The following FGF13 variants were observed in gnomAD, a reference collection of about 807,000 sequenced individuals.
FGF13 encodes fibroblast growth factor 13.
A neutral mutation model predicts 19.5 loss-of-function variants in FGF13; 2 were observed. That is an observed-to-expected ratio of 0.10 (90% CI 0.04 to 0.32). The LOEUF (loss-of-function observed/expected upper bound fraction) is 0.32. FGF13 is among the 10% of genes least tolerant of loss of function. The pLI, the probability that FGF13 is intolerant of heterozygous loss-of-function variation, is 1.00. For synonymous variants in FGF13, 72 were observed against 76.9 expected (o/e 0.94, Z 0.33); for missense variants, 113 against 192.7 (o/e 0.59, Z 2.45).
At chrX:138,688,286 T>C (rs2089805207) in intron 3 of FGF13, among the ~76,000 whole-genome samples, 1 of 109,564 alleles carries the variant, frequency 9.1e-6, no homozygotes, top group African/African-American at 3.3e-5. Flanking sequence ...CTTATGGAGG[T>C]AGAGAGTAGA....
At chrX:138,951,860 C>T (rs1174535834) in intron 1 of FGF13, among the ~76,000 whole-genome samples, 1 of 111,213 alleles carries the variant, frequency 9.0e-6, no homozygotes, top group Admixed American at 9.6e-5. Flanking sequence ...TCCATTATCA[C>T]CCAGGAAATC....
rs369723362 is a variant in FGF13 at position 138,626,570 on chromosome X, A to C, written c.*6280T>G. The stretch of plus-strand genomic sequence containing the variant: ...CTTGCATGTCTATCTACCACTTTAC[A>C]CTGAGAGTTTGTAGAAAGATCATGC... On this transcript the variant is annotated 3_prime_UTR_variant, in exon 5 of 5. Transcript: ENST00000315930. The C allele has an allele frequency of 8.9e-6, 1 of 112,096 alleles. No homozygotes were observed. The highest frequency in any genetic ancestry group is 1.9e-5 in the Non-Finnish European group (1 of 53,235). 9.2% of individuals were successfully genotyped at this position (112,096 alleles called of 1,213,427 possible).
intron 1 of FGF13, among the ~76,000 whole-genome samples, chrX:139,119,846 T>G (rs2083664870): frequency 8.9e-6 from 1 of 112,775 alleles, no homozygotes; most frequent in Admixed American, 9.3e-5. Context: ...ATCCCCATTT[T>G]ACAGATGAGG....
chrX:138,831,852 G>A (rs952754252), intron 3 of FGF13, among the ~76,000 whole-genome samples: 13 of 110,740 alleles, frequency 1.2e-4, no homozygotes, highest in Middle Eastern at 4.6e-3. Context: ...TCTGAAATGC[G>A]CCAGTATGTG....
rs1455080495 is a variant in FGF13 at position 138,624,403 on chromosome X, T to G, written c.*8447A>C. The stretch of plus-strand genomic sequence containing the variant: ...ATAATGAAATTGGACCTTTATCCTA[T>G]ACCATACACAAAAATCAACTCAAAA... On this transcript the variant is annotated 3_prime_UTR_variant, in exon 5 of 5. Transcript: ENST00000315930. 1 of 112,052 alleles carries G rather than the reference T, an allele frequency of 8.9e-6. No homozygotes were observed. The highest frequency in any genetic ancestry group is 2.8e-4 in the East Asian group (1 of 3,565). The allele number at this position is 112,052 out of a possible 1,213,427, so 9.2% of individuals were successfully genotyped here.
intron 1 of FGF13, among the ~76,000 whole-genome samples, chrX:138,866,016 G>C (rs2091321080): frequency 8.9e-6 from 1 of 112,480 alleles, no homozygotes; most frequent in Non-Finnish European, 1.9e-5. Context: ...ATGGTACCAA[G>C]AACTAATTGG....
chrX:138,770,432 T>C (rs1168676635), intron 3 of FGF13, among the ~76,000 whole-genome samples: 2 of 110,800 alleles, frequency 1.8e-5, no homozygotes, highest in Admixed American at 9.7e-5. Flanking sequence ...CAACCTAGAA[T>C]GCCTTTTCTC....
At chrX:139,163,512 G>A (rs1183822206) in intron 1 of FGF13, among the ~76,000 whole-genome samples, 1 of 110,809 alleles carries the variant, frequency 9.0e-6, no homozygotes, top group African/African-American at 3.3e-5. Flanking sequence ...TGCATGTTCT[G>A]CCCATGTATC....
At chrX:139,172,833 T>C (rs1198749579) in intron 1 of FGF13, among the ~76,000 whole-genome samples, 1 of 111,806 alleles carries the variant, frequency 8.9e-6, no homozygotes, top group Admixed American at 9.6e-5. Flanking sequence ...TGATGCTTTT[T>C]ATATCCTGAG....
At chrX:138,659,300 C>T (rs777895764) in intron 3 of FGF13, among the ~76,000 whole-genome samples, 14 of 111,978 alleles carry the variant, frequency 1.3e-4, no homozygotes, top group African/African-American at 4.5e-4. Context: ...CAACAACCTG[C>T]CTCTAAAATA....
intron 1 of FGF13, among the ~76,000 whole-genome samples, chrX:139,068,664 A>G (rs1056238209): frequency 1.1e-4 from 12 of 108,121 alleles, no homozygotes; most frequent in Middle Eastern, 4.7e-3. Context: ...TATTTCCTTG[A>G]GCAGTGGTTT....
At chrX:138,869,411 A>T (rs895290191) in intron 1 of FGF13, among the ~76,000 whole-genome samples, 8 of 112,677 alleles carry the variant, frequency 7.1e-5, no homozygotes, top group African/African-American at 2.6e-4. Context: ...TAGCAAAAGC[A>T]GGGAGGAAGT....
chrX:138,981,400 C>T (rs939962386), intron 1 of FGF13, among the ~76,000 whole-genome samples: 20 of 109,969 alleles, frequency 1.8e-4, no homozygotes, highest in Non-Finnish European at 1.5e-4. Context: ...AGAAATGAGG[C>T]AGTTGAGAAT....
intron 3 of FGF13, among the ~76,000 whole-genome samples, chrX:138,778,444 G>A (rs993751085): frequency 1.3e-4 from 14 of 111,939 alleles, no homozygotes; most frequent in African/African-American, 4.5e-4. Context: ...GTGGGTGCAG[G>A]ACAGTGGGTG....
At chrX:139,168,222 G>A (rs1198617220) in intron 1 of FGF13, among the ~76,000 whole-genome samples, 5 of 111,787 alleles carry the variant, frequency 4.5e-5, no homozygotes, top group Non-Finnish European at 9.4e-5. Context: ...TTCGATCAAG[G>A]TTTAATAAGG....
intron 1 of FGF13, among the ~76,000 whole-genome samples, chrX:138,966,744 G>A (rs2091896564): frequency 9.0e-6 from 1 of 111,358 alleles, no homozygotes; most frequent in African/African-American, 3.3e-5. Flanking sequence ...CATGAGATCT[G>A]GGAGTGGCCA....
upstream of FGF13, among the ~76,000 whole-genome samples, chrX:139,203,780 T>C (rs1263928110): frequency 1.8e-5 from 2 of 112,079 alleles, no homozygotes; most frequent in Non-Finnish European, 3.8e-5. Flanking sequence ...TGCAGCAGCT[T>C]CGTCTGCCCG....
At chrX:138,994,005 A>AT (rs756710833) in intron 1 of FGF13, among the ~76,000 whole-genome samples, 1 of 111,395 alleles carries the variant, frequency 9.0e-6, no homozygotes, top group South Asian at 3.8e-4. Flanking sequence ...AGAGATATAT[A>AT]TTTTACCTCC....
At chrX:138,681,093 G>A (rs2089723546) in intron 3 of FGF13, among the ~76,000 whole-genome samples, 1 of 104,065 alleles carries the variant, frequency 9.6e-6, no homozygotes, top group Admixed American at 1.1e-4. Flanking sequence ...AGAATCTCTT[G>A]AACCCGGGAG....
Sources: allele counts gnomAD v4.1 joint callset (sites outside exome capture counted in the v4.1 genomes callset), GRCh38; gene constraint gnomAD v4.1.1; transcripts MANE v1.5; gene names NCBI Gene and HGNC (gene_info 2026-07-23, HGNC 2026-07-21).